The following EPB41L5 variants were observed in gnomAD, a reference collection of about 807,000 sequenced individuals.
The protein encoded by EPB41L5 is erythrocyte membrane protein band 4.1 like 5.
EPB41L5 carries 55 observed loss-of-function variants against 106.6 expected under a neutral mutation model. The ratio of observed to expected loss-of-function variants is 0.52; its 90% CI spans 0.42 to 0.65. The LOEUF is 0.65. EPB41L5 is among the 30% of genes least tolerant of loss of function. The probability of loss-of-function intolerance (pLI) is 0.00; values close to 1 mark genes in which losing one functional copy is unlikely to be tolerated. For missense variants in EPB41L5, 871 were observed against 882.1 expected (o/e 0.99, Z 0.16); for synonymous variants, 297 against 306.7 (o/e 0.97, Z 0.33).
intron 2 of EPB41L5, among the ~76,000 whole-genome samples, chr2:120,022,955 G>A (rs1274397306): frequency 6.6e-6 from 1 of 152,122 alleles, no homozygotes; most frequent in East Asian, 1.9e-4. Context: ...TTTTTCATAT[G>A]TTTGTTGACT....
At chr2:120,078,759 A>G (rs570460575) in intron 10 of EPB41L5, among the ~76,000 whole-genome samples, 178 bp downstream of exon 10, 2 of 152,282 alleles carry the variant, frequency 1.3e-5, no homozygotes, top group African/African-American at 4.8e-5. Context: ...GGCAATTATT[A>G]AAACTCTTCT....
chr2:120,051,899 T>A (rs991653929), intron 3 of EPB41L5, among the ~76,000 whole-genome samples: 10 of 152,278 alleles, frequency 6.6e-5, no homozygotes, highest in Admixed American at 5.9e-4. Flanking sequence ...TGGTCTTGGC[T>A]CACTGTAAGC....
At chr2:120,142,253 G>A (rs751337915) in intron 18 of EPB41L5, among the ~76,000 whole-genome samples, 3 of 151,484 alleles carry the variant, frequency 2.0e-5, no homozygotes, top group South Asian at 2.1e-4. Flanking sequence ...TCCAGACTTC[G>A]GTTTTCTCTT....
chr2:120,127,865 C>G lies in EPB41L5; in HGVS notation c.1501+14C>G, dbSNP rs1002008130. 6.3e-7 allele frequency: 1 copy of G among 1,582,030 alleles called. No homozygotes were observed. Among genetic ancestry groups the G allele is most frequent in the African/African-American group, 1.3e-5 (1 of 74,478 alleles). ...TTGAATATGAGAGTAAGTAAATGTT[C>G]CATTATACATCAGTGATACCTTTTT... is the stretch of plus-strand genomic sequence containing the variant. On this transcript the variant is annotated intron_variant, in intron 17 of 24. Transcript: ENST00000263713.
At position 120,052,293 on chromosome 2, in the gene EPB41L5, A is replaced by C. The variant is rs1187722565; in HGVS notation, c.285+10183A>C. Among the ~76,000 whole-genome samples, 6 of 152,266 alleles carry C rather than the reference A, an allele frequency of 3.9e-5. No individual in the cohort carries two copies. The East Asian group carries it at 9.7e-4, about 24-fold the overall frequency. On this transcript the variant is annotated intron_variant, in intron 3 of 24. Coordinates refer to ENST00000263713, the MANE Select transcript of EPB41L5 (RefSeq NM_020909.4). ...TTTGTCTGATGTTCCCTTATAAAGTAGATTAATCTTGGCACCTTTGGCAGA... is the reference window on the plus strand; with the variant it reads ...TTTGTCTGATGTTCCCTTATAAAGTCGATTAATCTTGGCACCTTTGGCAGA...
chr2:120,080,381 G>T (rs958353386), intron 10 of EPB41L5, among the ~76,000 whole-genome samples: 5 of 152,042 alleles, frequency 3.3e-5, no homozygotes, highest in African/African-American at 1.2e-4. Context: ...CCTTGCAATA[G>T]TTTGCTGAGA....
intron 18 of EPB41L5, among the ~76,000 whole-genome samples, chr2:120,136,829 TAGAAAATCC>T (rs1212637847): frequency 2.6e-5 from 4 of 151,960 alleles, no homozygotes; most frequent in African/African-American, 9.7e-5. Flanking sequence ...CAGCAGAGGA[TAGAAAATCC>T]AGAAAAATTA....
intron 18 of EPB41L5, among the ~76,000 whole-genome samples, chr2:120,134,160 G>C (rs1399744934): frequency 6.6e-6 from 1 of 151,756 alleles, no homozygotes; most frequent in Non-Finnish European, 1.5e-5. Context: ...TGTGACCCAG[G>C]GCATTTTCAG....
chr2:120,141,973 A>T (rs1686191176), intron 18 of EPB41L5, among the ~76,000 whole-genome samples: 1 of 152,072 alleles, frequency 6.6e-6, no homozygotes, highest in Non-Finnish European at 1.5e-5. Flanking sequence ...ACTAAAAATT[A>T]CCCACCTCTT....
intron 3 of EPB41L5, among the ~76,000 whole-genome samples, chr2:120,053,303 G>A (rs1277763622): frequency 6.6e-6 from 1 of 152,104 alleles, no homozygotes; most frequent in African/African-American, 2.4e-5. Flanking sequence ...GTTGGTTTTA[G>A]TTAGCATGAC....
intron 14 of EPB41L5, among the ~76,000 whole-genome samples, chr2:120,099,586 C>T (rs1684009149): frequency 1.3e-5 from 2 of 151,974 alleles, no homozygotes; most frequent in African/African-American, 4.8e-5. Flanking sequence ...CGCCACCACA[C>T]CCAGCTAATT....
chr2:120,154,785 G>T (rs564312790), intron 20 of EPB41L5, among the ~76,000 whole-genome samples: 1 of 152,156 alleles, frequency 6.6e-6, no homozygotes, highest in South Asian at 2.1e-4. Context: ...TATTAGCCGG[G>T]CGTGGTGGCG....
intron 16 of EPB41L5, among the ~76,000 whole-genome samples, chr2:120,116,456 G>A (rs1684952064): frequency 6.6e-6 from 1 of 152,042 alleles, no homozygotes; most frequent in African/African-American, 2.4e-5. Flanking sequence ...GCCTTATACT[G>A]GAAACTTAAA....
intron 3 of EPB41L5, among the ~76,000 whole-genome samples, chr2:120,044,960 A>T (rs1046788340): frequency 6.6e-6 from 1 of 152,220 alleles, no homozygotes; most frequent in African/African-American, 2.4e-5. Context: ...TAAACTTTTC[A>T]AGTTCTTACT....
At chr2:120,142,113 T>TA (rs59204598) in intron 18 of EPB41L5, among the ~76,000 whole-genome samples, 15 of 143,198 alleles carry the variant, frequency 1.0e-4, no homozygotes, top group African/African-American at 3.4e-4. Flanking sequence ...CTTTCTTTTT[T>TA]AAAAAAAAAA....
intron 2 of EPB41L5, among the ~76,000 whole-genome samples, chr2:120,026,719 A>C (rs1678346046): frequency 6.6e-6 from 1 of 152,222 alleles, no homozygotes; most frequent in Admixed American, 6.5e-5. Context: ...ACTAAAGAAA[A>C]AGTAAATAAA....
At position 120,047,149 on chromosome 2, in the gene EPB41L5, T is replaced by C. The variant is rs532725699; in HGVS notation, c.285+5039T>C. On this transcript the variant is annotated intron_variant, in intron 3 of 24. Transcript: ENST00000263713. ...GGATTGTCTTGGCTATATGGGCTCT[T>C]TTTTGGTTCCGTATGAACTTTAAAG... 1.4e-3 allele frequency among the ~76,000 whole-genome samples: 209 copies of C among 152,332 alleles called. 1 individual carries two copies. The highest frequency in any genetic ancestry group is 4.7e-3 in the African/African-American group (194 of 41,568).
rs180934087 is a variant in EPB41L5, at chr2:120,062,458, C to T, written c.286-10720C>T. Among the ~76,000 whole-genome samples, 4 of 152,102 alleles carry T rather than the reference C, an allele frequency of 2.6e-5. No homozygotes were observed. The East Asian group carries it at 7.7e-4, about 29-fold the overall frequency. On this transcript the variant is annotated intron_variant, in intron 3 of 24. Transcript: ENST00000263713. ...CTGAAGTTGATCATCTTTGTAAATC[C>T]TTGTCAGTATTCTGGATTTTAAAAA... is the stretch of plus-strand genomic sequence containing the variant.
chr2:120,097,964 T>G (rs1166735081), intron 14 of EPB41L5, among the ~76,000 whole-genome samples: 1 of 152,180 alleles, frequency 6.6e-6, no homozygotes, highest in African/African-American at 2.4e-5. Context: ...AAGGAAAAGC[T>G]TCAGAGAATA....
Sources: allele counts gnomAD v4.1 joint callset (sites outside exome capture counted in the v4.1 genomes callset), GRCh38; gene constraint gnomAD v4.1.1; transcripts MANE v1.5; gene names NCBI Gene and HGNC (gene_info 2026-07-23, HGNC 2026-07-21).